Variants in CCDC175 observed in about 807,000 individuals in gnomAD.
The protein encoded by CCDC175 is coiled-coil domain containing 175, also known as coiled-coil domain-containing protein 175.
CCDC175 carries 100 observed loss-of-function variants against 114.6 expected under a neutral mutation model. The observed-to-expected ratio is 0.87, with a 90% CI of 0.74 to 1.03. The LOEUF is 1.03. CCDC175 is among the 50% of genes least tolerant of loss of function. The pLI is 0.00. For missense variants in CCDC175, 880 were observed against 917.8 expected (o/e 0.96, Z 0.53); for synonymous variants, 306 against 308.7 (o/e 0.99, Z 0.09).
intron 19 of CCDC175, among the ~76,000 whole-genome samples, chr14:59,509,377 A>G (rs78426504): frequency 2.0e-5 from 3 of 152,238 alleles, no homozygotes; most frequent in Non-Finnish European, 4.4e-5. Context: ...AGGACCATCA[A>G]AATGACTTTG....
rs576603954 is a variant in CCDC175 at position 59,516,985 on chromosome 14, T to C, written c.2098+4589A>G. The stretch of plus-strand genomic sequence containing the variant: ...GCTTATCCACCATGATCAAGAGGGC[T>C]TCATCCCTGGGATGCAAGGCTGGTT... On this transcript the variant is annotated intron_variant, in intron 17 of 19. Coordinates refer to ENST00000537690, the MANE Select transcript of CCDC175 (RefSeq NM_001164399.2). Among the ~76,000 whole-genome samples, 318 of 152,314 alleles carry C rather than the reference T, an allele frequency of 2.1e-3. 1 individual carries two copies. Among genetic ancestry groups the C allele is most frequent in the African/African-American group, 6.9e-3 (285 of 41,566 alleles).
At chr14:59,574,872 T>C (rs1897020390) in intron 2 of CCDC175, 71 bp downstream of exon 2, 5 of 790,928 alleles carry the variant, frequency 6.3e-6, no homozygotes, top group Non-Finnish European at 1.0e-5. Context: ...TTGAACAGAA[T>C]TGGTGCGAAA....
chr14:59,548,666 A>G (rs963094783), intron 8 of CCDC175, among the ~76,000 whole-genome samples: 2 of 152,240 alleles, frequency 1.3e-5, no homozygotes, highest in Non-Finnish European at 2.9e-5. Context: ...TTTGCTCACA[A>G]AATGAAAGAC....
At chr14:59,539,454 C>T (rs1418866776) in intron 11 of CCDC175, among the ~76,000 whole-genome samples, 3 of 152,196 alleles carry the variant, frequency 2.0e-5, no homozygotes, top group East Asian at 1.9e-4. Flanking sequence ...GTGGCACAAG[C>T]CTGTAATCCC....
At chr14:59,547,860 C>A (rs571636360) in intron 8 of CCDC175, among the ~76,000 whole-genome samples, 16 of 152,026 alleles carry the variant, frequency 1.1e-4, no homozygotes, top group Non-Finnish European at 2.2e-4. Flanking sequence ...AAAATATGTA[C>A]ATAAATATTG....
At chr14:59,523,545 G>A (rs967970281) in intron 16 of CCDC175, among the ~76,000 whole-genome samples, 13 of 152,120 alleles carry the variant, frequency 8.5e-5, no homozygotes, top group Admixed American at 8.5e-4. Flanking sequence ...AGTCTTAAAC[G>A]TCAAATGAGA....
chr14:59,523,817 G>A (rs1349643732), intron 16 of CCDC175, among the ~76,000 whole-genome samples: 13 of 151,966 alleles, frequency 8.6e-5, no homozygotes, highest in Non-Finnish European at 1.8e-4. Flanking sequence ...GTGAAACCCC[G>A]TCTCTACTAA....
intron 3 of CCDC175, among the ~76,000 whole-genome samples, chr14:59,571,419 CA>C (rs1204178722): frequency 6.6e-6 from 1 of 152,028 alleles, no homozygotes; most frequent in Non-Finnish European, 1.5e-5. Flanking sequence ...TCAACAACAA[CA>C]AAAAAGAACC....
intron 16 of CCDC175, among the ~76,000 whole-genome samples, chr14:59,524,978 G>A (rs1893661397): frequency 6.6e-6 from 1 of 152,126 alleles, no homozygotes; most frequent in African/African-American, 2.4e-5. Context: ...TACCTATAAT[G>A]TTCCAAACCA....
rs978944216 is a variant in CCDC175, at chr14:59,555,788, T to G, written c.954-4352A>C. 5.9e-5 allele frequency among the ~76,000 whole-genome samples: 9 copies of G among 152,294 alleles called. No individual in the cohort carries two copies. The South Asian group carries it at 6.2e-4, about 11-fold the overall frequency. On this transcript the variant is annotated intron_variant, in intron 7 of 19. Transcript: ENST00000537690. ...AAAGTCTCAGGATACAAAATCAATG[T>G]GCAAAAATCACAAGCATTCTTATAT...
At chr14:59,559,448 G>A (rs1896108515) in intron 7 of CCDC175, among the ~76,000 whole-genome samples, 1 of 152,108 alleles carries the variant, frequency 6.6e-6, no homozygotes, top group Admixed American at 6.6e-5. Context: ...GTTTTCCTCA[G>A]TATTTTGAAT....
chr14:59,521,141 G>A (rs1049345408), intron 17 of CCDC175, among the ~76,000 whole-genome samples: 4 of 152,170 alleles, frequency 2.6e-5, no homozygotes, highest in Admixed American at 2.6e-4. Flanking sequence ...TCTGTGGATT[G>A]GGAGAGGCAA....
chr14:59,559,264 C>T (rs58703049), intron 7 of CCDC175, among the ~76,000 whole-genome samples: 2,478 of 152,148 alleles, frequency 0.016, 63 homozygotes, highest in African/African-American at 0.056. Context: ...AACCCCATAG[C>T]GAATTAGAAA....
intron 6 of CCDC175, among the ~76,000 whole-genome samples, chr14:59,562,987 T>C (rs1266233872): frequency 6.6e-6 from 1 of 152,194 alleles, no homozygotes; most frequent in Non-Finnish European, 1.5e-5. Context: ...ATATAAAATA[T>C]TCAGTTTTAC....
At chr14:59,535,239 G>A (rs1894324273) in intron 13 of CCDC175, among the ~76,000 whole-genome samples, 1 of 152,194 alleles carries the variant, frequency 6.6e-6, no homozygotes, top group African/African-American at 2.4e-5. Context: ...ACACAGTCCT[G>A]CAGTGGGCAC....
chr14:59,541,972 G>C (rs1234602637), intron 10 of CCDC175, among the ~76,000 whole-genome samples: 1 of 152,106 alleles, frequency 6.6e-6, no homozygotes, highest in African/African-American at 2.4e-5. Context: ...TAACAATATG[G>C]GGACAACCAT....
In CCDC175 at chr14:59,527,018, C is replaced by G. The variant is rs1198430080; in HGVS notation, c.1842+77G>C. 5.5e-6 allele frequency: 4 copies of G among 730,142 alleles called. No homozygotes were observed. The South Asian group carries it at 8.9e-5, about 16-fold the overall frequency. 45.2% of individuals were successfully genotyped at this position (730,142 alleles called of 1,614,324 possible). A position where few individuals can be genotyped will look rare whatever the true frequency, so the allele number is the denominator to read the frequency against. The stretch of plus-strand genomic sequence containing the variant: ...TGTGGATTTCATGAAAACTTCAATG[C>G]CAGGTAAATACTACCATCTGTATAT... On this transcript the variant is annotated intron_variant, in intron 15 of 19. Coordinates refer to ENST00000537690, the MANE Select transcript of CCDC175 (RefSeq NM_001164399.2).
chr14:59,561,072 T>C, intron 7 of CCDC175, 47 bp downstream of exon 7: 1 of 943,146 alleles, frequency 1.1e-6, no homozygotes, highest in Non-Finnish European at 1.6e-6. Flanking sequence ...TTATATCATA[T>C]TAACATATCT....
chr14:59,512,395 C>T (rs958942088), intron 17 of CCDC175, among the ~76,000 whole-genome samples: 4 of 152,204 alleles, frequency 2.6e-5, no homozygotes, highest in African/African-American at 9.6e-5. Flanking sequence ...CATAAGTACT[C>T]TGGACACTCA....
Sources: gnomAD v4.1 joint callset for allele counts (sites outside exome capture counted in the v4.1 genomes callset) on GRCh38, gnomAD v4.1.1 for gene constraint, MANE v1.5 for transcripts, NCBI Gene and HGNC (gene_info 2026-07-23, HGNC 2026-07-21) for gene names.